VPS37D: variants seen among roughly 807,000 people sequenced by gnomAD.
The protein encoded by VPS37D is VPS37D subunit of ESCRT-I.
A neutral mutation model predicts 22.0 loss-of-function variants in VPS37D; 5 were observed. The observed-to-expected ratio is 0.23, with a 90% confidence interval of 0.12 to 0.48. The LOEUF (loss-of-function observed/expected upper bound fraction) is 0.48. Among genes scored for constraint, VPS37D ranks in the 20% least tolerant of loss-of-function variants. The probability of loss-of-function intolerance (pLI) is 0.99; values close to 1 mark genes in which losing one functional copy is unlikely to be tolerated. For synonymous variants in VPS37D, 174 were observed against 159.3 expected (o/e 1.09, Z -0.69); for missense variants, 384 against 345.8 (o/e 1.11, Z -0.88).
chr7:73,668,826 G>C (rs1300393512), intron 1 of VPS37D, among the ~76,000 whole-genome samples: 3 of 152,062 alleles, frequency 2.0e-5, no homozygotes, highest in African/African-American at 4.8e-5. Context: ...GGAGGAAAAG[G>C]GGGTGTGTAT....
chr7:73,669,390 C>CG (rs1554609225), intron 1 of VPS37D, 29 bp from the exon 2 acceptor site: 1 of 1,525,028 alleles, frequency 6.6e-7, no homozygotes, highest in African/African-American at 1.4e-5. Flanking sequence ...ATCCCCTGAG[C>CG]GGGCCTCTTA....
chr7:73,671,344 C>T lies in VPS37D; in HGVS notation c.724C>T (p.Arg242Trp), dbSNP rs1373989778. 2 of 1,377,000 alleles carry T rather than the reference C, an allele frequency of 1.5e-6. No individual in the cohort carries two copies. Among genetic ancestry groups the T allele is most frequent in the East Asian group, 3.0e-5 (1 of 33,592 alleles). 85.3% of individuals were successfully genotyped at this position (1,377,000 alleles called of 1,614,324 possible). A position where few individuals can be genotyped will look rare whatever the true frequency, so the allele number is the denominator to read the frequency against. The change falls in exon 4 of 4, where the codon CGG becomes TGG. Residue 242 changes from arginine to tryptophan, a missense_variant. Arg to Trp is a moderately radical substitution (Grantham distance 101). Transcript: ENST00000324941. ...CGGCCCGGCCCCCCTGCTGAGCCCT[C>T]GGCCCTCGCAGCCAGAGCCCCCCCA... ...PLGPAPLLSP[R>W]PSQPEPPHR
At chr7:73,667,513 T>C (rs1187905501), upstream of VPS37D, among the ~76,000 whole-genome samples, 37 of 151,964 alleles carry the variant, frequency 2.4e-4, 1 homozygote, top group Non-Finnish European at 1.8e-4. Context: ...GCAGGAGCCC[T>C]CGGCGCCCGG....
chr7:73,666,379 A>G (rs1335859119), upstream of VPS37D, among the ~76,000 whole-genome samples: 2 of 152,072 alleles, frequency 1.3e-5, no homozygotes, highest in African/African-American at 4.8e-5. Context: ...GGACTGTATC[A>G]TTTACCTGTA....
At chr7:73,670,228 G>A (rs1485367897) in intron 3 of VPS37D, 126 bp downstream of exon 3, 13 of 1,430,806 alleles carry the variant, frequency 9.1e-6, no homozygotes, top group Middle Eastern at 4.9e-4. Context: ...AATGCCTGGC[G>A]CATGCCAGAG....
In VPS37D at chr7:73,671,353, C is replaced by A; in HGVS notation, c.733C>A (p.Gln245Lys). 1 of 1,376,836 alleles carries A rather than the reference C, an allele frequency of 7.3e-7. No individual in the cohort carries two copies. Among genetic ancestry groups the A allele is most frequent in the South Asian group, 1.6e-5 (1 of 61,916 alleles). 85.3% of individuals were successfully genotyped at this position (1,376,836 alleles called of 1,614,324 possible). Residue 245 changes from glutamine (Q) to lysine (K), a missense_variant, in exon 4 of 4, where the codon CAG becomes AAG. Physicochemically the swap from Gln to Lys is moderately conservative, Grantham distance 53. Transcript: ENST00000324941. The part of the protein sequence containing the change: ...PAPLLSPRPS[Q>K]PEPPHR ...CCCCCTGCTGAGCCCTCGGCCCTCG[C>A]AGCCAGAGCCCCCCCACCGGTAGGA...
At chr7:73,667,501 A>G (rs6950314), upstream of VPS37D, among the ~76,000 whole-genome samples, 34,473 of 151,972 alleles carry the variant, frequency 0.23, 4,806 homozygotes, top group South Asian at 0.33. Context: ...GAGGGCTGCA[A>G]GGCAGGAGCC....
Position 73,672,023 on chromosome 7 carries a change from G to A in VPS37D, c.*647G>A, listed in dbSNP as rs1797530771. The A allele has an allele frequency of 6.6e-6, 1 of 152,392 alleles. No homozygotes were observed. The highest frequency in any genetic ancestry group is 2.4e-5 in the African/African-American group (1 of 41,448). 9.4% of individuals were successfully genotyped at this position (152,392 alleles called of 1,614,324 possible). On this transcript the variant is annotated 3_prime_UTR_variant, in exon 4 of 4. Coordinates refer to ENST00000324941, the MANE Select transcript of VPS37D (RefSeq NM_001077621.2). ...CTGTCCCTGTCTCCTTAGAATGGAA[G>A]CTTTTTGAGGGCAGGTCCTTGTCTT... is the stretch of plus-strand genomic sequence containing the variant.
chr7:73,670,070 G>T lies in VPS37D; in HGVS notation c.361G>T (p.Ala121Ser), dbSNP rs1797472168. Residue 121 changes from alanine to serine, a missense_variant, in exon 3 of 4, where the codon GCT (alanine) becomes TCT (serine). By Grantham distance (99) the Ala-to-Ser change is moderately conservative. Coordinates refer to ENST00000324941, the MANE Select transcript of VPS37D (RefSeq NM_001077621.2). ...SPHCALGWLQ[A>S]ELEEAEQEAE... ...CCACTGCGCGCTGGGCTGGCTGCAG[G>T]CTGAGCTAGAAGAGGCGGAGCAGGA... 6.4e-7 allele frequency: 1 copy of T among 1,551,666 alleles called. No individual in the cohort carries two copies. The highest frequency in any genetic ancestry group is 2.0e-5 in the Admixed American group (1 of 50,990).
intron 1 of VPS37D, 77 bp downstream of exon 1, chr7:73,668,173 G>A: frequency 1.1e-6 from 1 of 942,436 alleles, no homozygotes; most frequent in Non-Finnish European, 1.3e-6. Context: ...GGGAAGGGCC[G>A]CGCGGGCCGG....
At chr7:73,665,744 C>G (rs960162880), upstream of VPS37D, among the ~76,000 whole-genome samples, 1 of 152,202 alleles carries the variant, frequency 6.6e-6, no homozygotes, top group African/African-American at 2.4e-5. Context: ...AACTTGAGAA[C>G]TCCTATTCAA....
Position 73,669,512 on chromosome 7 carries a change from G to A in VPS37D, c.232G>A (p.Gly78Ser). ...GGCCCTGCGGCCCCGCCTGGAGATG[G>A]GCCGGGCTGCCCTGGCCATCAAATA... The part of the protein sequence containing the change: ...NLALRPRLEM[G>S]RAALAIKYQE... The change falls in exon 2 of 4, where the codon GGC becomes AGC. Residue 78 changes from glycine to serine, a missense_variant. Transcript: ENST00000324941. 3 of 1,584,130 alleles carry A rather than the reference G, an allele frequency of 1.9e-6. No homozygotes were observed. Among genetic ancestry groups the A allele is most frequent in the South Asian group, 2.3e-5 (2 of 86,772 alleles).
At chr7:73,668,408 C>T (rs547273682) in intron 1 of VPS37D, among the ~76,000 whole-genome samples, 1 of 151,840 alleles carries the variant, frequency 6.6e-6, no homozygotes, top group African/African-American at 2.4e-5. Flanking sequence ...CTGGCTCGCA[C>T]ACCCACGTTC....
At chr7:73,669,351 T>C in intron 1 of VPS37D, 68 bp from the exon 2 acceptor site, 3 of 1,462,330 alleles carry the variant, frequency 2.1e-6, no homozygotes, top group East Asian at 2.5e-5. Context: ...CCCAGTAGGG[T>C]GGACGGGGCA....
At chr7:73,669,862 G>A (rs1205798232) in intron 2 of VPS37D, among the ~76,000 whole-genome samples, 158 bp from the exon 3 acceptor site, 1 of 152,194 alleles carries the variant, frequency 6.6e-6, no homozygotes, top group African/African-American at 2.4e-5. Context: ...ACTTGGTAGG[G>A]GCCGGATCCA....
chr7:73,667,985 G>A lies in VPS37D; in HGVS notation c.27G>A (p.Ala9=). 2.7e-6 allele frequency: 3 copies of A among 1,091,332 alleles called. No individual in the cohort carries two copies. Among genetic ancestry groups the A allele is most frequent in the Non-Finnish European group, 3.3e-6 (3 of 896,384 alleles). The allele number at this position is 1,091,332 out of a possible 1,614,324, so 67.6% of individuals were successfully genotyped here. ...TGTACCGGGCCCGGGCGGCGCGGGC[G>A]GGGCCGGAGCCCGGCAGCCCGGGGC... MYRARAAR[A]GPEPGSPGRF... Residue 9 remains alanine (A), a synonymous_variant, in exon 1 of 4, where the codon GCG becomes GCA. Coordinates refer to ENST00000324941, the MANE Select transcript of VPS37D (RefSeq NM_001077621.2).
intron 3 of VPS37D, 37 bp from the exon 4 acceptor site, chr7:73,670,977 G>A (rs781905705): frequency 3.1e-6 from 5 of 1,600,766 alleles, no homozygotes; most frequent in South Asian, 1.1e-5. Context: ...GTCTGTGGTC[G>A]TGCCTCTCCC....
chr7:73,671,523 G>T lies in VPS37D; in HGVS notation c.*147G>T. On this transcript the variant is annotated 3_prime_UTR_variant, in exon 4 of 4. Coordinates refer to ENST00000324941, the MANE Select transcript of VPS37D (RefSeq NM_001077621.2). Reference sequence around the variant, plus strand: ...TGGCCCTGGAGGCTGAGCTGGGGAGGAGGGTCCCCTGGAAGAGGCCCGAGA... The same window carrying T: ...TGGCCCTGGAGGCTGAGCTGGGGAGTAGGGTCCCCTGGAAGAGGCCCGAGA... The T allele has an allele frequency of 3.3e-6, 1 of 300,160 alleles. No individual in the cohort carries two copies. The highest frequency in any genetic ancestry group is 6.1e-6 in the Non-Finnish European group (1 of 162,874). The allele number at this position is 300,160 out of a possible 1,614,324, so 18.6% of individuals were successfully genotyped here.
rs1279116772 is a variant in VPS37D at position 73,671,105 on chromosome 7, G to A, written c.485G>A (p.Arg162Gln). Reference protein sequence around the residue: ...QRGRALAHLRRTQAEKLQELL... With the variant: ...QRGRALAHLRQTQAEKLQELL... ...GGCCGCGCCCTGGCCCACCTGAGGC[G>A]GACGCAGGCAGAGAAGCTGCAGGAG... The change falls in exon 4 of 4, where the codon CGG (arginine) becomes CAG (glutamine). Residue 162 changes from arginine to glutamine, a missense_variant. Physicochemically the swap from Arg to Gln is conservative, Grantham distance 43. Transcript: ENST00000324941. 3.2e-5 allele frequency: 52 copies of A among 1,609,694 alleles called. No homozygotes were observed. Among genetic ancestry groups the A allele is most frequent in the Non-Finnish European group, 4.3e-5 (51 of 1,179,518 alleles).
Sources: gnomAD v4.1 joint callset for allele counts (sites outside exome capture counted in the v4.1 genomes callset) on GRCh38, gnomAD v4.1.1 for gene constraint, MANE v1.5 for transcripts, NCBI Gene and HGNC (gene_info 2026-07-23, HGNC 2026-07-21) for gene names.